PHACTR1: variants seen among roughly 807,000 people sequenced by gnomAD.
PHACTR1 encodes phosphatase and actin regulator 1, also known as RPEL repeat containing 1.
PHACTR1 carries 16 observed loss-of-function variants against 69.2 expected under a neutral mutation model. The observed-to-expected ratio is 0.23, with a 90% CI of 0.16 to 0.35. PHACTR1 has a LOEUF of 0.35. PHACTR1 is among the 10% of genes least tolerant of loss of function. The pLI is 1.00. For missense variants in PHACTR1, 510 were observed against 734.7 expected, an observed-to-expected ratio of 0.69 and a Z score of 3.54; for synonymous variants, 312 against 284.5, an observed-to-expected ratio of 1.10 and a Z score of -0.97.
rs1160670309 is a variant in PHACTR1, at chr6:12,832,824, TA to T, written c.250+83035del. On this transcript the variant is annotated intron_variant, in intron 4 of 14. Coordinates refer to ENST00000332995, the MANE Select transcript of PHACTR1 (RefSeq NM_030948.6). ...GTCAGGCACACAGATATATCAGTAA[TA>T]GACACGGGGTGTGGAATAATATGCT... Among the ~76,000 whole-genome samples, 4 of 152,266 alleles carry T rather than the reference TA, an allele frequency of 2.6e-5. No individual in the cohort carries two copies. In the East Asian group the frequency reaches 7.7e-4, roughly 29 times the overall value.
chr6:12,964,273 C>A (rs1793150154), intron 4 of PHACTR1, among the ~76,000 whole-genome samples: 1 of 151,800 alleles, frequency 6.6e-6, no homozygotes, highest in South Asian at 2.1e-4. Flanking sequence ...AAAACATGTA[C>A]ATAAAATTTT....
intron 6 of PHACTR1, among the ~76,000 whole-genome samples, chr6:13,180,132 T>C (rs554068844): frequency 2.6e-4 from 40 of 152,208 alleles, no homozygotes; most frequent in Non-Finnish European, 4.9e-4. Context: ...GGAAGCAAGC[T>C]ATAAAACTTG....
chr6:13,105,462 G>A (rs1815960091), intron 5 of PHACTR1, among the ~76,000 whole-genome samples: 1 of 152,016 alleles, frequency 6.6e-6, no homozygotes, highest in Admixed American at 6.6e-5. Context: ...GTTCCAAAAA[G>A]GTTTTTTCCC....
At chr6:13,152,497 A>G (rs1321903680) in intron 5 of PHACTR1, among the ~76,000 whole-genome samples, 1 of 152,318 alleles carries the variant, frequency 6.6e-6, no homozygotes, top group African/African-American at 2.4e-5. Context: ...AGAGGAGTTT[A>G]AAAAATGACT....
intron 8 of PHACTR1, among the ~76,000 whole-genome samples, chr6:13,224,935 G>A (rs1173249129): frequency 1.3e-5 from 2 of 152,300 alleles, no homozygotes; most frequent in African/African-American, 2.4e-5. Flanking sequence ...ATCTGAGGCC[G>A]TGTCAACAGG....
chr6:12,762,113 A>C (rs1440489796), intron 4 of PHACTR1, among the ~76,000 whole-genome samples: 2 of 152,226 alleles, frequency 1.3e-5, no homozygotes, highest in African/African-American at 4.8e-5. Flanking sequence ...AAGGAGACTT[A>C]GTTCTAGAAA....
At chr6:13,173,907 C>G (rs1387435172) in intron 6 of PHACTR1, among the ~76,000 whole-genome samples, 1 of 152,174 alleles carries the variant, frequency 6.6e-6, no homozygotes, top group Non-Finnish European at 1.5e-5. Flanking sequence ...CGGGTTTTCA[C>G]CATGTTGGCC....
chr6:13,044,329 G>T (rs1178203911), intron 4 of PHACTR1, among the ~76,000 whole-genome samples: 1 of 152,146 alleles, frequency 6.6e-6, no homozygotes, highest in Non-Finnish European at 1.5e-5. Flanking sequence ...ATTAACCAAG[G>T]CTAAATGAAG....
chr6:12,861,225 G>A lies in PHACTR1; in HGVS notation c.250+111435G>A, dbSNP rs554752136. On this transcript the variant is annotated intron_variant, in intron 4 of 14. Coordinates refer to ENST00000332995, the MANE Select transcript of PHACTR1 (RefSeq NM_030948.6). ...GACTTGCCTGTTAGGCAATTGTGAA[G>A]GTTCTAATTTCTTAAAAGGAAGGTT... is the stretch of plus-strand genomic sequence containing the variant. Among the ~76,000 whole-genome samples, 11 of 152,310 alleles carry A rather than the reference G, an allele frequency of 7.2e-5. No homozygotes were observed. In the South Asian group the frequency reaches 2.3e-3, roughly 32 times the overall value.
intron 4 of PHACTR1, among the ~76,000 whole-genome samples, chr6:12,848,121 C>T (rs543642034): frequency 5.9e-5 from 9 of 152,004 alleles, no homozygotes; most frequent in South Asian, 4.2e-4. Context: ...TGCCATGCAC[C>T]GAGATTTTCA....
rs371692337 is a variant in PHACTR1, at chr6:13,160,324, A to G, written c.496+40A>G. 2.0e-4 allele frequency: 314 copies of G among 1,548,446 alleles called. 1 individual carries two copies. Among genetic ancestry groups the G allele is most frequent in the Admixed American group, 1.1e-3 (65 of 59,882 alleles). ...TCTGTCATCCCCGGGTCAAAGAGTC[A>G]TGCGTGGAATCTGCATGCATATTGC... On this transcript the variant is annotated intron_variant, in intron 6 of 14. Transcript: ENST00000332995.
chr6:12,845,733 G>A (rs970528850), intron 4 of PHACTR1, among the ~76,000 whole-genome samples: 4 of 152,098 alleles, frequency 2.6e-5, no homozygotes, highest in Non-Finnish European at 5.9e-5. Flanking sequence ...GCTCTGATAC[G>A]GAATTGTGCA....
intron 4 of PHACTR1, among the ~76,000 whole-genome samples, chr6:12,944,044 T>C (rs1191751379): frequency 6.6e-6 from 1 of 152,236 alleles, no homozygotes; most frequent in Non-Finnish European, 1.5e-5. Flanking sequence ...TTGGAAACAA[T>C]TGCAGTGTTC....
intron 4 of PHACTR1, among the ~76,000 whole-genome samples, chr6:12,922,726 C>T (rs75200260): frequency 0.015 from 2,209 of 152,202 alleles, 50 homozygotes; most frequent in African/African-American, 0.05. Context: ...GAAGTAAATA[C>T]CTTCTAAGTA....
intron 5 of PHACTR1, among the ~76,000 whole-genome samples, chr6:13,095,569 T>G (rs1439461640): frequency 6.6e-6 from 1 of 152,148 alleles, no homozygotes; most frequent in Non-Finnish European, 1.5e-5. Flanking sequence ...ATCCTAACTT[T>G]ATTCTGGCAT....
chr6:13,063,408 A>G (rs974726716), intron 5 of PHACTR1, among the ~76,000 whole-genome samples: 1 of 152,146 alleles, frequency 6.6e-6, no homozygotes, highest in Non-Finnish European at 1.5e-5. Context: ...ATGTGAGGAA[A>G]TCTCTCCTGG....
At chr6:12,956,275 G>A (rs1791887475) in intron 4 of PHACTR1, among the ~76,000 whole-genome samples, 1 of 152,198 alleles carries the variant, frequency 6.6e-6, no homozygotes, top group Non-Finnish European at 1.5e-5. Flanking sequence ...CATGGAAAAA[G>A]CAAATGGGCT....
intron 4 of PHACTR1, among the ~76,000 whole-genome samples, chr6:12,857,563 A>G (rs940199104): frequency 4.6e-5 from 7 of 151,414 alleles, no homozygotes; most frequent in Admixed American, 2.0e-4. Flanking sequence ...AGATCGCGCT[A>G]CTGCACTCCA....
chr6:13,042,715 G>C (rs890269340), intron 4 of PHACTR1, among the ~76,000 whole-genome samples: 1 of 152,142 alleles, frequency 6.6e-6, no homozygotes, highest in Non-Finnish European at 1.5e-5. Flanking sequence ...CTAGTGGAAC[G>C]CTTATTAGCC....
Sources: allele counts gnomAD v4.1 joint callset (sites outside exome capture counted in the v4.1 genomes callset), GRCh38; gene constraint gnomAD v4.1.1; transcripts MANE v1.5; gene names NCBI Gene and HGNC (gene_info 2026-07-23, HGNC 2026-07-21).